CADM2: variants seen among roughly 807,000 people sequenced by gnomAD.
CADM2 encodes the protein immunoglobulin superfamily member 4D.
In CADM2, 12 loss-of-function variants were observed where a neutral mutation model predicts 49.8. The ratio of observed to expected loss-of-function variants is 0.24; its 90% confidence interval spans 0.15 to 0.39. CADM2 has a LOEUF of 0.39. Ranked by LOEUF, CADM2 falls within the 10% of genes least tolerant of loss-of-function variation. CADM2 has a pLI of 1.00. For missense variants in CADM2, 378 were observed against 492.3 expected, an observed-to-expected ratio of 0.77 and a Z score of 2.20; for synonymous variants, 214 against 175.4, an observed-to-expected ratio of 1.22 and a Z score of -1.74.
chr3:85,580,339 T>A (rs532802686), intron 1 of CADM2, among the ~76,000 whole-genome samples: 6 of 152,104 alleles, frequency 3.9e-5, no homozygotes, highest in South Asian at 2.1e-4. Context: ...GAAAAAAAAA[T>A]AAGAAGAAGA....
chr3:85,663,739 A>G (rs1034182959), intron 1 of CADM2, among the ~76,000 whole-genome samples: 1 of 152,086 alleles, frequency 6.6e-6, no homozygotes, highest in African/African-American at 2.4e-5. Context: ...TATTTCCCTC[A>G]TCTTAAAAAA....
intron 3 of CADM2, among the ~76,000 whole-genome samples, chr3:85,860,918 G>T (rs2075506726): frequency 6.6e-6 from 1 of 152,142 alleles, no homozygotes; most frequent in South Asian, 2.1e-4. Context: ...TGCGAATATA[G>T]CTTCTGTCAT....
intron 1 of CADM2, among the ~76,000 whole-genome samples, chr3:85,315,822 A>T (rs1418269584): frequency 6.6e-6 from 1 of 152,158 alleles, no homozygotes; most frequent in Non-Finnish European, 1.5e-5. Flanking sequence ...TTTAACAACT[A>T]ATATATTTCT....
chr3:85,519,658 T>G (rs2106888766), intron 1 of CADM2, among the ~76,000 whole-genome samples: 1 of 152,244 alleles, frequency 6.6e-6, no homozygotes, highest in South Asian at 2.1e-4. Context: ...CATGTTTTAG[T>G]AAGTAAAGTT....
chr3:85,855,737 C>T (rs1349316948), intron 3 of CADM2, among the ~76,000 whole-genome samples: 1 of 151,294 alleles, frequency 6.6e-6, no homozygotes, highest in Non-Finnish European at 1.5e-5. Context: ...TGCCATTCTC[C>T]TGCCTCAGCC....
intron 1 of CADM2, among the ~76,000 whole-genome samples, chr3:85,097,785 C>G (rs1412516751): frequency 6.6e-6 from 1 of 152,184 alleles, no homozygotes; most frequent in African/African-American, 2.4e-5. Context: ...AAATAATCTT[C>G]AAGTTGAGTG....
intron 1 of CADM2, among the ~76,000 whole-genome samples, chr3:85,474,794 T>G (rs2038911664): frequency 6.6e-6 from 1 of 151,854 alleles, no homozygotes; most frequent in Admixed American, 6.6e-5. Flanking sequence ...ATTTTAAGGA[T>G]TTAATTTGTG....
At chr3:85,348,605 A>C (rs1190168593) in intron 1 of CADM2, among the ~76,000 whole-genome samples, 1 of 152,216 alleles carries the variant, frequency 6.6e-6, no homozygotes, top group Non-Finnish European at 1.5e-5. Context: ...ACAGATAAAC[A>C]AAATGCACAG....
rs1577761998 is a variant in CADM2 at position 85,953,583 on chromosome 3, T to A, written c.792-7886T>A. On this transcript the variant is annotated intron_variant, in intron 7 of 9. Transcript: ENST00000383699. ...ATTAGAATGTCCCTAATATAGGTGA[T>A]GAATCTTTCTGATGTTTCATAACTC... 3.3e-5 allele frequency among the ~76,000 whole-genome samples: 5 copies of A among 150,928 alleles called. No individual in the cohort carries two copies. In the South Asian group the frequency reaches 1.0e-3, roughly 31 times the overall value.
In CADM2 at chr3:85,194,394, T is replaced by C. The variant is rs149637508; in HGVS notation, c.61+234726T>C. Among the ~76,000 whole-genome samples, 661 of 152,172 alleles carry C rather than the reference T, an allele frequency of 4.3e-3. 3 individuals are homozygous for C. The highest frequency in any genetic ancestry group is 0.014 in the African/African-American group (586 of 41,532). ...GAGGGTGACATGATCATAATTCATT[T>C]AGCAAAGAAAAAATGGTGGACTGGC... On this transcript the variant is annotated intron_variant, in intron 1 of 9. Transcript: ENST00000383699.
intron 1 of CADM2, among the ~76,000 whole-genome samples, chr3:85,105,169 T>C (rs1360275396): frequency 2.6e-5 from 4 of 151,904 alleles, no homozygotes; most frequent in African/African-American, 7.3e-5. Flanking sequence ...ACCTACAAAA[T>C]GGGAGAAAAT....
chr3:85,223,005 G>A (rs1384889912), intron 1 of CADM2, among the ~76,000 whole-genome samples: 1 of 151,960 alleles, frequency 6.6e-6, no homozygotes, highest in African/African-American at 2.4e-5. Flanking sequence ...TCTCTTGAGC[G>A]GTCATTATGC....
chr3:85,634,498 T>G (rs537462507), intron 1 of CADM2, among the ~76,000 whole-genome samples: 79 of 152,160 alleles, frequency 5.2e-4, no homozygotes, highest in African/African-American at 1.8e-3. Context: ...TTTTACATAG[T>G]GCCCCAAGAA....
chr3:85,520,502 A>G (rs1028153902), intron 1 of CADM2, among the ~76,000 whole-genome samples: 1 of 152,042 alleles, frequency 6.6e-6, no homozygotes, highest in Non-Finnish European at 1.5e-5. Flanking sequence ...TGTGCCATGT[A>G]CTGTGATACA....
At position 85,076,021 on chromosome 3, in the gene CADM2, A is replaced by C. The variant is rs145293785; in HGVS notation, c.61+116353A>C. ...TTCAATTAGTGTTCAAATAAAAACA[A>C]CTGTATATCTTTTAGAAGAAAATGT... On this transcript the variant is annotated intron_variant, in intron 1 of 9. Coordinates refer to ENST00000383699, the MANE Select transcript of CADM2 (RefSeq NM_001167675.2). Among the ~76,000 whole-genome samples the C allele has an allele frequency of 3.7e-3, 562 of 152,172 alleles. 2 individuals are homozygous for C. The highest frequency in any genetic ancestry group is 0.013 in the African/African-American group (542 of 41,522).
intron 1 of CADM2, among the ~76,000 whole-genome samples, chr3:85,078,483 A>G (rs1314659666): frequency 2.0e-5 from 3 of 151,968 alleles, no homozygotes; most frequent in Admixed American, 1.3e-4. Flanking sequence ...ATGGCTATAT[A>G]TAAAGCCAGG....
At chr3:85,090,335 A>G (rs2037547656) in intron 1 of CADM2, among the ~76,000 whole-genome samples, 1 of 152,156 alleles carries the variant, frequency 6.6e-6, no homozygotes, top group Non-Finnish European at 1.5e-5. Flanking sequence ...ACTATCTAAT[A>G]TTATGATTGC....
chr3:85,875,586 G>T (rs1375901085), intron 3 of CADM2, among the ~76,000 whole-genome samples: 1 of 152,104 alleles, frequency 6.6e-6, no homozygotes, highest in African/African-American at 2.4e-5. Flanking sequence ...CCTCACTGAA[G>T]CTTCAAATCC....
chr3:85,985,617 T>C (rs988698821), intron 8 of CADM2, among the ~76,000 whole-genome samples: 1 of 152,098 alleles, frequency 6.6e-6, no homozygotes, highest in East Asian at 1.9e-4. Context: ...TATAATGCCA[T>C]TGTATTTTTA....
Sources: gnomAD v4.1 joint callset for allele counts (sites outside exome capture counted in the v4.1 genomes callset) on GRCh38, gnomAD v4.1.1 for gene constraint, MANE v1.5 for transcripts, NCBI Gene and HGNC (gene_info 2026-07-23, HGNC 2026-07-21) for gene names.